The following ROS1 variants were observed in gnomAD, a reference collection of about 807,000 sequenced individuals.
The protein encoded by ROS1 is proto-oncogene tyrosine-protein kinase ROS.
In ROS1, 263 loss-of-function variants were observed where a neutral mutation model predicts 273.5. The observed-to-expected ratio is 0.96, with a 90% CI of 0.87 to 1.06. The LOEUF (loss-of-function observed/expected upper bound fraction) is 1.06. Ranked by LOEUF, ROS1 falls within the 50% of genes least tolerant of loss-of-function variation. The pLI is 0.00. For missense variants in ROS1, 2,833 were observed against 2,751.1 expected (o/e 1.03, Z -0.67); for synonymous variants, 1,008 against 954.1 (o/e 1.06, Z -1.04).
intron 43 of ROS1, among the ~76,000 whole-genome samples, chr6:117,296,098 T>C (rs1294666293): frequency 6.6e-6 from 1 of 152,102 alleles, no homozygotes; most frequent in Non-Finnish European, 1.5e-5. Context: ...TAAGTGTCCA[T>C]CTGTAGATAA....
At chr6:117,328,297 G>A (rs934342981) in intron 33 of ROS1, 1 of 245,162 alleles carries the variant, frequency 4.1e-6, no homozygotes, top group African/African-American at 2.2e-5. Flanking sequence ...AAAGTATTTA[G>A]ATGGAGTCAT....
chr6:117,417,720 T>A (rs141207907), intron 2 of ROS1, among the ~76,000 whole-genome samples: 1 of 152,230 alleles, frequency 6.6e-6, no homozygotes, highest in East Asian at 1.9e-4. Context: ...CTCAGTTTCC[T>A]TAACAACTTA....
intron 22 of ROS1, among the ~76,000 whole-genome samples, chr6:117,362,317 T>C: frequency 7.0e-6 from 1 of 142,360 alleles, no homozygotes; most frequent in Non-Finnish European, 1.5e-5. Flanking sequence ...TTCTTCTGTT[T>C]AAACTTTTTT....
At chr6:117,377,299 C>T (rs886111017) in intron 18 of ROS1, among the ~76,000 whole-genome samples, 7 of 152,006 alleles carry the variant, frequency 4.6e-5, no homozygotes, top group East Asian at 1.9e-4. Context: ...TTAGTAGAGA[C>T]GGAGTTTCAC....
intron 16 of ROS1, among the ~76,000 whole-genome samples, chr6:117,385,157 T>G (rs1450475603): frequency 6.6e-6 from 1 of 152,172 alleles, no homozygotes; most frequent in African/African-American, 2.4e-5. Context: ...GAACCAACGC[T>G]CAGGTGAGCA....
intron 31 of ROS1, among the ~76,000 whole-genome samples, chr6:117,338,937 T>G (rs974413676): frequency 6.6e-6 from 1 of 152,120 alleles, no homozygotes; most frequent in Admixed American, 6.6e-5. Context: ...AAACTTATGG[T>G]TCTGCTAGGG....
intron 17 of ROS1, among the ~76,000 whole-genome samples, chr6:117,379,703 G>A (rs1693800142): frequency 6.6e-6 from 1 of 151,966 alleles, no homozygotes; most frequent in Non-Finnish European, 1.5e-5. Context: ...TGATCTCTGG[G>A]GATGGAACCT....
At chr6:117,332,097 C>G (rs372674160) in intron 32 of ROS1, among the ~76,000 whole-genome samples, 1 of 151,096 alleles carries the variant, frequency 6.6e-6, no homozygotes, top group Admixed American at 6.6e-5. Context: ...GGAGATCTAT[C>G]TTACATGCAA....
intron 42 of ROS1, among the ~76,000 whole-genome samples, chr6:117,301,945 G>A (rs982578314): frequency 1.4e-4 from 22 of 152,150 alleles, no homozygotes; most frequent in African/African-American, 5.1e-4. Context: ...CTCTTAAGTA[G>A]TATTCATTCA....
chr6:117,332,166 CAAAA>C (rs199863437), intron 32 of ROS1, among the ~76,000 whole-genome samples: 5 of 80,932 alleles, frequency 6.2e-5, no homozygotes, highest in Admixed American at 3.9e-4. Context: ...ATATGGAAAG[CAAAA>C]AAAAAAAAAA....
chr6:117,373,806 G>A (rs1217420245), intron 18 of ROS1, among the ~76,000 whole-genome samples: 2 of 152,378 alleles, frequency 1.3e-5, no homozygotes, highest in African/African-American at 4.8e-5. Context: ...GGTGCTGAGA[G>A]TGAGCGAGGG....
At chr6:117,366,748 A>C (rs1780279878) in intron 18 of ROS1, among the ~76,000 whole-genome samples, 1 of 152,132 alleles carries the variant, frequency 6.6e-6, no homozygotes, top group Admixed American at 6.5e-5. Flanking sequence ...TTCTGACCTC[A>C]AGTGATCTGA....
At chr6:117,291,455 T>C (rs563753438) in intron 43 of ROS1, among the ~76,000 whole-genome samples, 1 of 152,326 alleles carries the variant, frequency 6.6e-6, no homozygotes, top group South Asian at 2.1e-4. Flanking sequence ...GCTTTCATTA[T>C]ACCTAGCTGT....
intron 27 of ROS1, among the ~76,000 whole-genome samples, chr6:117,351,052 T>C (rs989304538): frequency 7.2e-5 from 11 of 152,316 alleles, no homozygotes; most frequent in Middle Eastern, 3.4e-3. Context: ...TTGTAATTTT[T>C]TCTTGATAGC....
chr6:117,421,238 A>AAT (rs10553557), intron 1 of ROS1, among the ~76,000 whole-genome samples: 74 of 146,800 alleles, frequency 5.0e-4, no homozygotes, highest in Admixed American at 1.7e-3. Flanking sequence ...ATTATATTGC[A>AAT]ATATATATAT....
In ROS1 at chr6:117,329,329, C is replaced by T. The variant is rs2128593036; in HGVS notation, c.5348G>A (p.Arg1783Lys). The T allele has an allele frequency of 7.3e-7, 1 of 1,364,616 alleles. No homozygotes were observed. Among genetic ancestry groups the T allele is most frequent in the Non-Finnish European group, 1.0e-6 (1 of 960,710 alleles). 84.5% of individuals were successfully genotyped at this position (1,364,616 alleles called of 1,614,324 possible). Reference sequence around the variant, plus strand: ...ACAAGTACTTTGCAAACACACATACCTTATCTCAAGGATATAGTATGTAAT... The same window carrying T: ...ACAAGTACTTTGCAAACACACATACTTTATCTCAAGGATATAGTATGTAAT... The part of the protein sequence containing the change: ...CRITYYILEI[R>K]KSTSNNLQNQ... The change falls in exon 33 of 44, where the codon AGA (arginine) becomes AAA (lysine). Residue 1783 changes from arginine (R) to lysine (K), a missense_variant and splice_region_variant. Transcript: ENST00000368507.
rs536997124 is a variant in ROS1 at position 117,423,967 on chromosome 6, C to T, written c.123+1567G>A. On this transcript the variant is annotated intron_variant, in intron 1 of 43. Coordinates refer to ENST00000368507, the MANE Select transcript of ROS1 (RefSeq NM_001378902.1). Reference sequence around the variant, plus strand: ...TGTCTCTCTTGCTGTTGCCACACATCAGCTGTGCCATTCTCTGTAGGTGGT... The same window carrying T: ...TGTCTCTCTTGCTGTTGCCACACATTAGCTGTGCCATTCTCTGTAGGTGGT... Among the ~76,000 whole-genome samples, 8 of 152,244 alleles carry T rather than the reference C, an allele frequency of 5.3e-5. No individual in the cohort carries two copies. In the East Asian group the frequency reaches 1.5e-3, roughly 29 times the overall value.
At chr6:117,365,237 G>A (rs1221885549) in intron 20 of ROS1, 33 bp from the exon 21 acceptor site, 11 of 1,515,222 alleles carry the variant, frequency 7.3e-6, no homozygotes, top group Non-Finnish European at 9.0e-6. Context: ...TATTTTCTCA[G>A]GGAGAGAATT....
At position 117,288,364 on chromosome 6, in the gene ROS1, T is replaced by A; in HGVS notation, c.*128A>T. The A allele has an allele frequency of 1.1e-6, 1 of 880,322 alleles. No homozygotes were observed. Among genetic ancestry groups the A allele is most frequent in the Non-Finnish European group, 1.7e-6 (1 of 583,238 alleles). 54.5% of individuals were successfully genotyped at this position (880,322 alleles called of 1,614,324 possible). A position where few individuals can be genotyped will look rare whatever the true frequency, so the allele number is the denominator to read the frequency against. ...TGGCTCTCAGAACCAAGATTAGAAA[T>A]CAGGAACGTTGCATTGTTTATTTGG... On this transcript the variant is annotated 3_prime_UTR_variant, in exon 44 of 44. Transcript: ENST00000368507.
Sources: gnomAD v4.1 joint callset for allele counts (sites outside exome capture counted in the v4.1 genomes callset) on GRCh38, gnomAD v4.1.1 for gene constraint, MANE v1.5 for transcripts, NCBI Gene and HGNC (gene_info 2026-07-23, HGNC 2026-07-21) for gene names.